CDH18: variants seen among roughly 807,000 people sequenced by gnomAD.
The protein encoded by CDH18 is cadherin 18, also known as cadherin-18.
A neutral mutation model predicts 67.9 loss-of-function variants in CDH18; 31 were observed. The ratio of observed to expected loss-of-function variants is 0.46; its 90% confidence interval spans 0.34 to 0.62. The LOEUF (loss-of-function observed/expected upper bound fraction) is 0.62. Among genes scored for constraint, CDH18 ranks in the 20% least tolerant of loss-of-function variants. The pLI, the probability that CDH18 is intolerant of heterozygous loss-of-function variation, is 0.01. For synonymous variants in CDH18, 362 were observed against 347.2 expected, an observed-to-expected ratio of 1.04 and a Z score of -0.48; for missense variants, 890 against 975.5, an observed-to-expected ratio of 0.91 and a Z score of 1.17.
At chr5:19,549,785 A>AAAGAAAGGAAGC (rs1348042675) in intron 8 of CDH18, among the ~76,000 whole-genome samples, 1 of 150,556 alleles carries the variant, frequency 6.6e-6, no homozygotes, top group Non-Finnish European at 1.5e-5. Context: ...AGAAAGGAAG[A>AAAGAAAGGAAGC]AAGAAAGGAA....
chr5:19,815,824 C>A (rs1468003284), intron 3 of CDH18, among the ~76,000 whole-genome samples: 2 of 151,882 alleles, frequency 1.3e-5, no homozygotes, highest in Non-Finnish European at 1.5e-5. Context: ...TTCACTGGAA[C>A]TTTTTCCTTA....
At chr5:20,432,536 A>T (rs1748828385) in intron 1 of CDH18, among the ~76,000 whole-genome samples, 1 of 152,042 alleles carries the variant, frequency 6.6e-6, no homozygotes, top group Non-Finnish European at 1.5e-5. Context: ...ACAGTTTTGG[A>T]AGTAAGAAAT....
intron 5 of CDH18, among the ~76,000 whole-genome samples, chr5:19,653,602 A>C (rs551593711): frequency 2.0e-5 from 3 of 152,252 alleles, no homozygotes; most frequent in Non-Finnish European, 4.4e-5. Context: ...GAAATCTGGC[A>C]CTTCTCTCAC....
intron 1 of CDH18, among the ~76,000 whole-genome samples, chr5:20,463,378 T>C (rs1385398303): frequency 6.6e-6 from 1 of 152,084 alleles, no homozygotes; most frequent in Non-Finnish European, 1.5e-5. Flanking sequence ...ATTACTCTGT[T>C]CTCACACTGC....
At chr5:20,118,204 C>T (rs1366582526) in intron 2 of CDH18, among the ~76,000 whole-genome samples, 1 of 151,916 alleles carries the variant, frequency 6.6e-6, no homozygotes, top group Non-Finnish European at 1.5e-5. Context: ...AAAATGGTAA[C>T]TTTTTTTAAA....
chr5:19,845,591 C>T (rs1041123819), intron 2 of CDH18, among the ~76,000 whole-genome samples: 1 of 152,032 alleles, frequency 6.6e-6, no homozygotes, highest in Non-Finnish European at 1.5e-5. Context: ...ATGTTCTACA[C>T]ATTATTGAAA....
chr5:20,380,014 C>T lies in CDH18; in HGVS notation c.-579-124509G>A, dbSNP rs150489186. Among the ~76,000 whole-genome samples, 707 of 152,016 alleles carry T rather than the reference C, an allele frequency of 4.7e-3. 5 individuals carry two copies. Among genetic ancestry groups the T allele is most frequent in the Non-Finnish European group, 6.5e-3 (441 of 67,960 alleles). On this transcript the variant is annotated intron_variant, in intron 1 of 14. Coordinates refer to the CDH18 transcript ENST00000507958. ...AGCATCATAAGTGTTTTATTGTTTT[C>T]GTTCAGAAAAAGATGGACTGTAGCT...
intron 2 of CDH18, among the ~76,000 whole-genome samples, chr5:20,176,162 T>G (rs1472685131): frequency 6.6e-6 from 1 of 152,286 alleles, no homozygotes; most frequent in Non-Finnish European, 1.5e-5. Context: ...CAGTTTTACA[T>G]GCATGCTCAA....
chr5:19,888,682 T>C (rs1439176401), intron 2 of CDH18, among the ~76,000 whole-genome samples: 1 of 152,118 alleles, frequency 6.6e-6, no homozygotes, highest in African/African-American at 2.4e-5. Context: ...TTTATGTGCA[T>C]AGTCATCCTC....
At chr5:19,473,964 A>G (rs1293493166) in intron 12 of CDH18, among the ~76,000 whole-genome samples, 2 of 152,214 alleles carry the variant, frequency 1.3e-5, no homozygotes, top group East Asian at 1.9e-4. Flanking sequence ...GAAAACCACA[A>G]TACTCTCAGT....
intron 3 of CDH18, among the ~76,000 whole-genome samples, chr5:19,752,413 C>G (rs148337807): frequency 6.6e-6 from 1 of 152,104 alleles, no homozygotes; most frequent in African/African-American, 2.4e-5. Flanking sequence ...GGCTCTCCCC[C>G]ACTTCCTTGA....
intron 2 of CDH18, among the ~76,000 whole-genome samples, chr5:20,135,951 G>T (rs1162359880): frequency 6.6e-6 from 1 of 152,236 alleles, no homozygotes; most frequent in East Asian, 1.9e-4. Flanking sequence ...ACTGTGGTCT[G>T]AGAGACAGTT....
intron 1 of CDH18, among the ~76,000 whole-genome samples, chr5:20,569,617 C>CACA (rs574647590): frequency 4.6e-4 from 70 of 151,948 alleles, no homozygotes; most frequent in African/African-American, 8.9e-4. Flanking sequence ...TCTCAAAAAC[C>CACA]ACAACAACAA....
chr5:20,396,883 A>C (rs528659491), intron 1 of CDH18, among the ~76,000 whole-genome samples: 1 of 152,302 alleles, frequency 6.6e-6, no homozygotes, highest in South Asian at 2.1e-4. Flanking sequence ...TCCAAATAAA[A>C]TTATTTGCCC....
At chr5:19,812,631 A>AAAATT (rs1778853934) in intron 3 of CDH18, among the ~76,000 whole-genome samples, 1 of 151,492 alleles carries the variant, frequency 6.6e-6, no homozygotes, top group Non-Finnish European at 1.5e-5. Context: ...CTAATCAACA[A>AAAATT]AAATTTGTTA....
chr5:20,142,637 G>T (rs1242582048), intron 2 of CDH18, among the ~76,000 whole-genome samples: 2 of 151,986 alleles, frequency 1.3e-5, no homozygotes, highest in Non-Finnish European at 2.9e-5. Context: ...GGTAATTAGG[G>T]TGAACTCTAA....
At chr5:19,748,182 CTT>C (rs1396938903) in intron 3 of CDH18, among the ~76,000 whole-genome samples, 1 of 123,760 alleles carries the variant, frequency 8.1e-6, no homozygotes, top group Non-Finnish European at 1.7e-5. Context: ...GATTATAAAA[CTT>C]TAACTCAAAA....
chr5:19,600,662 T>C (rs1198254812), intron 6 of CDH18, among the ~76,000 whole-genome samples: 1 of 151,948 alleles, frequency 6.6e-6, no homozygotes, highest in Non-Finnish European at 1.5e-5. Context: ...TATTAGATAC[T>C]TTCATGAAAA....
At chr5:19,978,541 A>T (rs1027922875) in intron 2 of CDH18, among the ~76,000 whole-genome samples, 1 of 152,126 alleles carries the variant, frequency 6.6e-6, no homozygotes, top group Non-Finnish European at 1.5e-5. Context: ...TTAAAAAAAC[A>T]CTAAGTTATT....
Sources: gnomAD v4.1 joint callset for allele counts (sites outside exome capture counted in the v4.1 genomes callset) on GRCh38, gnomAD v4.1.1 for gene constraint, MANE v1.5 for transcripts, NCBI Gene and HGNC (gene_info 2026-07-23, HGNC 2026-07-21) for gene names.